The following ZNF521 variants were observed in gnomAD, a reference collection of about 807,000 sequenced individuals.
ZNF521 encodes the protein LYST-interacting protein 3.
ZNF521 carries 14 observed loss-of-function variants against 105.5 expected under a neutral mutation model. That is an observed-to-expected ratio of 0.13 (90% CI 0.09 to 0.21). The LOEUF is 0.21. Among genes scored for constraint, ZNF521 ranks in the 10% least tolerant of loss-of-function variants. The probability of loss-of-function intolerance (pLI) is 1.00; values close to 1 mark genes in which losing one functional copy is unlikely to be tolerated. For missense variants in ZNF521, 1,233 were observed against 1,629.7 expected (o/e 0.76, Z 4.19); for synonymous variants, 635 against 606.0 (o/e 1.05, Z -0.70).
At chr18:25,248,142 C>T (rs1568033909) in intron 3 of ZNF521, among the ~76,000 whole-genome samples, 1 of 151,232 alleles carries the variant, frequency 6.6e-6, no homozygotes, top group Non-Finnish European at 1.5e-5. Flanking sequence ...TATCTTGACA[C>T]CACACACACA....
intron 2 of ZNF521, among the ~76,000 whole-genome samples, chr18:25,333,490 C>T (rs751927087): frequency 3.3e-5 from 5 of 151,948 alleles, no homozygotes; most frequent in Non-Finnish European, 7.4e-5. Context: ...AAATCCAACA[C>T]ATTTGAAACC....
At chr18:25,184,967 A>T (rs1203731805) in intron 5 of ZNF521, among the ~76,000 whole-genome samples, 1 of 152,208 alleles carries the variant, frequency 6.6e-6, no homozygotes, top group Non-Finnish European at 1.5e-5. Flanking sequence ...TACTGGGTAA[A>T]AACAGTAGAC....
chr18:25,206,160 C>T (rs1003955052), intron 4 of ZNF521, among the ~76,000 whole-genome samples: 4 of 152,054 alleles, frequency 2.6e-5, no homozygotes, highest in African/African-American at 4.8e-5. Context: ...TGAGCTACCT[C>T]GCCCAGCTAA....
At chr18:25,350,490 A>C (rs1464941623) in intron 2 of ZNF521, among the ~76,000 whole-genome samples, 1 of 152,154 alleles carries the variant, frequency 6.6e-6, no homozygotes, top group South Asian at 2.1e-4. Context: ...AAAGAAAAGG[A>C]AAAAAGAAGC....
chr18:25,224,232 A>G (rs906908886), intron 4 of ZNF521, 113 bp downstream of exon 4: 1 of 1,012,184 alleles, frequency 9.9e-7, no homozygotes, highest in African/African-American at 1.6e-5. Context: ...CTGCATTTCA[A>G]TCTAAGCATC....
At chr18:25,216,431 G>C (rs1280659815) in intron 4 of ZNF521, among the ~76,000 whole-genome samples, 1 of 152,150 alleles carries the variant, frequency 6.6e-6, no homozygotes, top group East Asian at 1.9e-4. Flanking sequence ...AGATGTAACT[G>C]AAAATAAAGT....
chr18:25,147,844 G>C (rs2034973479), intron 5 of ZNF521, among the ~76,000 whole-genome samples: 1 of 152,126 alleles, frequency 6.6e-6, no homozygotes, highest in East Asian at 1.9e-4. Context: ...CTTCCAGCAA[G>C]CATTTTAACT....
At chr18:25,096,567 C>T (rs1450368979) in intron 5 of ZNF521, among the ~76,000 whole-genome samples, 1 of 152,120 alleles carries the variant, frequency 6.6e-6, no homozygotes, top group African/African-American at 2.4e-5. Context: ...CATGTTTATA[C>T]TCCTTTTCCT....
chr18:25,066,871 G>T (rs1218982513), intron 7 of ZNF521, among the ~76,000 whole-genome samples: 1 of 152,166 alleles, frequency 6.6e-6, no homozygotes, highest in Non-Finnish European at 1.5e-5. Flanking sequence ...ACAAAGCAGT[G>T]GGTAATCTCA....
intron 3 of ZNF521, among the ~76,000 whole-genome samples, chr18:25,299,622 C>T (rs1323251359): frequency 6.6e-6 from 1 of 152,160 alleles, no homozygotes; most frequent in Non-Finnish European, 1.5e-5. Context: ...GAAACCACCA[C>T]AGTTGACTAA....
At chr18:25,325,331 C>A (rs1913156699) in intron 2 of ZNF521, among the ~76,000 whole-genome samples, 1 of 152,154 alleles carries the variant, frequency 6.6e-6, no homozygotes, top group South Asian at 2.1e-4. Flanking sequence ...AATAATTGCA[C>A]ATGGACTTAG....
chr18:25,169,176 C>T (rs1320746538), intron 5 of ZNF521, among the ~76,000 whole-genome samples: 1 of 152,182 alleles, frequency 6.6e-6, no homozygotes, highest in Non-Finnish European at 1.5e-5. Context: ...AATTTAGCCT[C>T]ACTAGTTTCT....
At position 25,352,111 on chromosome 18, in the gene ZNF521, C is replaced by A. The variant is rs757680314; in HGVS notation, c.-108G>T. ...GATGGCTCCAGAGGGGGCCCCTAACCCGCAGGGACTCGCTCTGTACGTAAT... is the reference window on the plus strand; with the variant it reads ...GATGGCTCCAGAGGGGGCCCCTAACACGCAGGGACTCGCTCTGTACGTAAT... On this transcript the variant is annotated 5_prime_UTR_variant, in exon 1 of 8. Transcript: ENST00000361524. The A allele has an allele frequency of 4.2e-6, 2 of 479,690 alleles. No individual in the cohort carries two copies. Among genetic ancestry groups the A allele is most frequent in the South Asian group, 3.0e-5 (2 of 66,228 alleles). 29.7% of individuals were successfully genotyped at this position (479,690 alleles called of 1,614,324 possible).
intron 5 of ZNF521, among the ~76,000 whole-genome samples, chr18:25,178,207 C>T (rs1388929774): frequency 6.6e-6 from 1 of 152,180 alleles, no homozygotes; most frequent in Non-Finnish European, 1.5e-5. Context: ...ATAGTGAATT[C>T]ATATACAGAT....
chr18:25,315,474 C>A (rs1600296215), intron 3 of ZNF521: 1 of 152,200 alleles, frequency 6.6e-6, no homozygotes, highest in Admixed American at 6.5e-5. Flanking sequence ...GGATGCTTGT[C>A]CAGAAAAATA....
At chr18:25,109,066 G>A (rs1258031393) in intron 5 of ZNF521, among the ~76,000 whole-genome samples, 1 of 152,124 alleles carries the variant, frequency 6.6e-6, no homozygotes. Flanking sequence ...CACCCAAATA[G>A]TGAACACTGT....
chr18:25,263,445 C>T (rs1600228769), intron 3 of ZNF521, among the ~76,000 whole-genome samples: 1 of 152,128 alleles, frequency 6.6e-6, no homozygotes, highest in Non-Finnish European at 1.5e-5. Flanking sequence ...GCAACCTCCA[C>T]CTCCTGGGTT....
intron 2 of ZNF521, among the ~76,000 whole-genome samples, chr18:25,345,802 C>G (rs1337989278): frequency 6.6e-6 from 1 of 152,152 alleles, no homozygotes; most frequent in East Asian, 1.9e-4. Context: ...GAAACAGTCA[C>G]TGGTTGATAG....
At chr18:25,141,396 G>C (rs1357102961) in intron 5 of ZNF521, among the ~76,000 whole-genome samples, 2 of 152,178 alleles carry the variant, frequency 1.3e-5, no homozygotes, top group African/African-American at 4.8e-5. Context: ...CACATGCTTT[G>C]TAAGACCTTA....
Sources: gnomAD v4.1 joint callset for allele counts (sites outside exome capture counted in the v4.1 genomes callset) on GRCh38, gnomAD v4.1.1 for gene constraint, MANE v1.5 for transcripts, NCBI Gene and HGNC (gene_info 2026-07-23, HGNC 2026-07-21) for gene names.